The following ADAMTS8 variants were observed in gnomAD, a reference collection of about 807,000 sequenced individuals.
The protein encoded by ADAMTS8 is ADAM metallopeptidase with thrombospondin type 1 motif 8, also known as A disintegrin and metalloproteinase with thrombospondin motifs 8.
ADAMTS8 carries 50 observed loss-of-function variants against 64.4 expected under a neutral mutation model. The observed-to-expected ratio is 0.78, with a 90% CI of 0.62 to 0.98. ADAMTS8 has a LOEUF of 0.98. Ranked by LOEUF, ADAMTS8 falls within the 50% of genes least tolerant of loss-of-function variation. The pLI is 0.00. For synonymous variants in ADAMTS8, 556 were observed against 533.6 expected (o/e 1.04, Z -0.58); for missense variants, 1,192 against 1,208.2 (o/e 0.99, Z 0.20).
intron 5 of ADAMTS8, among the ~76,000 whole-genome samples, chr11:130,413,123 G>A (rs1425563498): frequency 6.6e-6 from 1 of 152,118 alleles, no homozygotes; most frequent in Non-Finnish European, 1.5e-5. Flanking sequence ...CACCCGCCTC[G>A]GCCTCCCAAA....
intron 4 of ADAMTS8, among the ~76,000 whole-genome samples, chr11:130,415,837 G>A (rs540789733): frequency 1.8e-4 from 27 of 152,144 alleles, no homozygotes; most frequent in Admixed American, 6.5e-4. Context: ...CCTCTGTCAC[G>A]CCTGAGCTGT....
At chr11:130,421,475 G>A (rs1354168675) in intron 1 of ADAMTS8, among the ~76,000 whole-genome samples, 1 of 152,182 alleles carries the variant, frequency 6.6e-6, no homozygotes, top group Non-Finnish European at 1.5e-5. Flanking sequence ...TGGACTTGAG[G>A]ACATCTGAAG....
chr11:130,417,502 C>T (rs1862042576), intron 2 of ADAMTS8, among the ~76,000 whole-genome samples: 1 of 142,854 alleles, frequency 7.0e-6, no homozygotes, highest in South Asian at 2.1e-4. Flanking sequence ...GACAATCCGG[C>T]TCCTTCGGCC....
intron 2 of ADAMTS8, 93 bp from the exon 3 acceptor site, chr11:130,417,168 GGAGTGGACCACT>G: frequency 6.5e-7 from 1 of 1,536,800 alleles, no homozygotes; most frequent in African/African-American, 1.4e-5. Context: ...CGTGCACGTG[GGAGTGGACCACT>G]GAGCGTCCCA....
chr11:130,405,233 T>A lies in ADAMTS8; in HGVS notation c.*325A>T. On this transcript the variant is annotated 3_prime_UTR_variant, in exon 9 of 9. Transcript: ENST00000257359. ...GATAGAATTTTTTTTTTCATTTAAG[T>A]TTGCTAGTCCTTTGCAAACAGACTG... 5 of 1,106,004 alleles carry A rather than the reference T, an allele frequency of 4.5e-6. No individual in the cohort carries two copies. The South Asian group carries it at 2.2e-4, about 49-fold the overall frequency. 68.5% of individuals were successfully genotyped at this position (1,106,004 alleles called of 1,614,324 possible).
chr11:130,419,220 G>A lies in ADAMTS8; in HGVS notation c.793C>T (p.Leu265=). The A allele has an allele frequency of 6.2e-7, 1 of 1,614,130 alleles. No homozygotes were observed. The highest frequency in any genetic ancestry group is 8.5e-7 in the Non-Finnish European group (1 of 1,180,036). The change falls in exon 2 of 9, where the codon CTG becomes TTG. Residue 265 remains leucine, a synonymous_variant. Coordinates refer to ENST00000257359, the MANE Select transcript of ADAMTS8 (RefSeq NM_007037.6). The stretch of plus-strand genomic sequence containing the variant: ...ACGATCAGCACTTTTACCACCATCA[G>A]GTTGATGGAATTCTTGATGCTGGGG... ...KHPSIKNSIN[L]MVVKVLIVED...
Position 130,408,809 on chromosome 11 carries a change from G to C in ADAMTS8, c.1882C>G (p.Arg628Gly). The C allele has an allele frequency of 6.2e-7, 1 of 1,614,100 alleles. No homozygotes were observed. Among genetic ancestry groups the C allele is most frequent in the Admixed American group, 1.7e-5 (1 of 60,002 alleles). ...TTGAACTCGCTCCTCCCCCGGGCTCGGCAGAACAACTTGCAGCGGTCCCGG... is the reference window on the plus strand; with the variant it reads ...TTGAACTCGCTCCTCCCCCGGGCTCCGCAGAACAACTTGCAGCGGTCCCGG... ...SPRDRCKLFC[R>G]ARGRSEFKVF... is the part of the protein sequence containing the mutation. The change falls in exon 7 of 9, where the codon CGA (arginine) becomes GGA (glycine). Residue 628 changes from arginine to glycine, a missense_variant. By Grantham distance (125) the Arg-to-Gly change is moderately radical. Transcript: ENST00000257359.
chr11:130,408,215 T>C (rs1251798450), intron 8 of ADAMTS8, among the ~76,000 whole-genome samples: 2 of 152,170 alleles, frequency 1.3e-5, no homozygotes, highest in African/African-American at 4.8e-5. Flanking sequence ...ACGGCTGCCC[T>C]GTGTTCTATC....
At chr11:130,407,011 A>G (rs1284798616) in intron 8 of ADAMTS8, among the ~76,000 whole-genome samples, 1 of 152,180 alleles carries the variant, frequency 6.6e-6, no homozygotes, top group Admixed American at 6.5e-5. Context: ...AAAGTGGCCA[A>G]GGGACCCAGT....
At chr11:130,421,223 G>A (rs1862094955) in intron 1 of ADAMTS8, among the ~76,000 whole-genome samples, 1 of 152,234 alleles carries the variant, frequency 6.6e-6, no homozygotes, top group Non-Finnish European at 1.5e-5. Flanking sequence ...GGGAGGCTGA[G>A]TGAGAGATGA....
chr11:130,424,055 G>C (rs1341389824), intron 1 of ADAMTS8, among the ~76,000 whole-genome samples: 1 of 152,188 alleles, frequency 6.6e-6, no homozygotes, highest in Non-Finnish European at 1.5e-5. Context: ...CAGCCTCCAC[G>C]GCGGTTTCTT....
chr11:130,416,306 T>A lies in ADAMTS8; in HGVS notation c.1121A>T (p.Asp374Val). 6.4e-7 allele frequency: 1 copy of A among 1,570,386 alleles called. No homozygotes were observed. ...GAGCCGTGTGCAGGGCTTGGAGTCGTCGTGGGGCATGCTGAGGACGTGCCC... is the reference window on the plus strand; with the variant it reads ...GAGCCGTGTGCAGGGCTTGGAGTCGACGTGGGGCATGCTGAGGACGTGCCC... ...ELGHVLSMPH[D>V]DSKPCTRLFG... Residue 374 changes from aspartate (D) to valine (V), a missense_variant, in exon 4 of 9, where the codon GAC (aspartate) becomes GTC (valine). By Grantham distance (152) the Asp-to-Val change is radical. This residue lies in a region of ADAMTS8 where 741 missense variants were observed against 710.6 expected (regional missense o/e 1.04). Transcript: ENST00000257359. This position sits in a 1 kb window ranked among gnomAD's most constrained non-coding sequence, Gnocchi z 4.8.
Position 130,424,514 on chromosome 11 carries a change from A to G in ADAMTS8, c.720+3053T>C, listed in dbSNP as rs112555596. Among the ~76,000 whole-genome samples, 1,168 of 152,322 alleles carry G rather than the reference A, an allele frequency of 7.7e-3. 11 individuals are homozygous for G. The highest frequency in any genetic ancestry group is 0.013 in the Non-Finnish European group (877 of 68,026). On this transcript the variant is annotated intron_variant, in intron 1 of 8. Coordinates refer to ENST00000257359, the MANE Select transcript of ADAMTS8 (RefSeq NM_007037.6). ...CCTGCTTCACAGATGAGGAACTCTAAGCCCTAGAGAGGTAAAGGCTCTTCT... is the reference window on the plus strand; with the variant it reads ...CCTGCTTCACAGATGAGGAACTCTAGGCCCTAGAGAGGTAAAGGCTCTTCT...
chr11:130,415,795 C>T (rs902693084), intron 4 of ADAMTS8, among the ~76,000 whole-genome samples: 9 of 151,976 alleles, frequency 5.9e-5, no homozygotes, highest in Non-Finnish European at 8.8e-5. Context: ...ACCAGCTCCC[C>T]GCCCTCTTGC....
rs201765156 is a variant in ADAMTS8 at position 130,405,782 on chromosome 11, T to A, written c.2446A>T (p.Met816Leu). The stretch of plus-strand genomic sequence containing the variant: ...GTTGCTCTCTCTTTGCTGCTCTGCA[T>A]GCTAAAGTCCACGTCATTAGGAACA... ...FFVPNDVDFS[M>L]QSSKERATTN... Residue 816 changes from methionine to leucine, a missense_variant, in exon 9 of 9, where the codon ATG (methionine) becomes TTG (leucine). Around this residue, in one of 5 missense-constraint regions of ADAMTS8, gnomAD observed 147 missense variants for 154.1 expected, o/e 0.95. Coordinates refer to ENST00000257359, the MANE Select transcript of ADAMTS8 (RefSeq NM_007037.6). 1,002 of 1,614,122 alleles carry A rather than the reference T, an allele frequency of 6.2e-4. 11 individuals are homozygous for A. The African/African-American group carries it at 0.011, about 18-fold the overall frequency.
intron 8 of ADAMTS8, among the ~76,000 whole-genome samples, chr11:130,407,667 A>G (rs925284302): frequency 6.6e-6 from 1 of 152,280 alleles, no homozygotes; most frequent in Middle Eastern, 3.4e-3. Context: ...TGTGGCCCAT[A>G]TAAAACACCC....
Position 130,408,652 on chromosome 11 carries a change from A to G in ADAMTS8, c.1924-13T>C. ...TGCCATCAATCACCTGCAACGGGGA[A>G]AGGGAAGGTGAGGGAGGGCGTGTTG... On this transcript the variant is annotated splice_polypyrimidine_tract_variant and intron_variant, in intron 7 of 8. Transcript: ENST00000257359. The G allele has an allele frequency of 6.2e-7, 1 of 1,613,698 alleles. No homozygotes were observed. The highest frequency in any genetic ancestry group is 8.5e-7 in the Non-Finnish European group (1 of 1,179,692).
Position 130,427,733 on chromosome 11 carries a change from T to G in ADAMTS8, c.554A>C (p.Asp185Ala). ...QRQERGDHQE[D>A]SEEESQEEEA... ...CTCTTCTTGGCTCTCCTCCTCGCTGTCCTCCTGGTGGTCTCCTCTCTCCTG... is the reference window on the plus strand; with the variant it reads ...CTCTTCTTGGCTCTCCTCCTCGCTGGCCTCCTGGTGGTCTCCTCTCTCCTG... The change falls in exon 1 of 9, where the codon GAC becomes GCC. Residue 185 changes from aspartate (D) to alanine (A), a missense_variant. Asp to Ala is a moderately radical substitution (Grantham distance 126). Coordinates refer to ENST00000257359, the MANE Select transcript of ADAMTS8 (RefSeq NM_007037.6). The G allele has an allele frequency of 6.3e-7, 1 of 1,595,958 alleles. No individual in the cohort carries two copies. The highest frequency in any genetic ancestry group is 8.5e-7 in the Non-Finnish European group (1 of 1,172,272).
chr11:130,418,053 G>A (rs1279193647), intron 2 of ADAMTS8, among the ~76,000 whole-genome samples: 2 of 147,182 alleles, frequency 1.4e-5, no homozygotes, highest in African/African-American at 2.6e-5. Context: ...AGGTGCTTGC[G>A]CTTGTCATCT....
Sources: allele counts gnomAD v4.1 joint callset (sites outside exome capture counted in the v4.1 genomes callset), GRCh38; gene constraint gnomAD v4.1.1; regional missense constraint gnomAD v4.1.1; non-coding constraint Gnocchi (gnomAD v3.1); transcripts MANE v1.5; gene names NCBI Gene and HGNC (gene_info 2026-07-23, HGNC 2026-07-21).